Variants in LTV1 observed in about 807,000 individuals in gnomAD.
LTV1 encodes the protein protein LTV1 homolog.
In LTV1, 39 loss-of-function variants were observed where a neutral mutation model predicts 59.9. That is an observed-to-expected ratio of 0.65 (90% CI 0.50 to 0.85). LTV1 has a LOEUF of 0.85. LTV1 is among the 40% of genes least tolerant of loss of function. The pLI is 0.00. For missense variants in LTV1, 493 were observed against 549.1 expected (o/e 0.90, Z 1.02); for synonymous variants, 171 against 189.5 (o/e 0.90, Z 0.80).
At chr6:143,856,807 C>T (rs1415500049) in intron 4 of LTV1, among the ~76,000 whole-genome samples, 4 of 152,238 alleles carry the variant, frequency 2.6e-5, no homozygotes, top group Non-Finnish European at 5.9e-5. Context: ...CCTCTGGAAG[C>T]TTTGTCCCAG....
chr6:143,850,600 G>T (rs1027520400), intron 4 of LTV1, among the ~76,000 whole-genome samples: 48 of 152,124 alleles, frequency 3.2e-4, no homozygotes, highest in African/African-American at 1.1e-3. Flanking sequence ...TTTTATGGAA[G>T]TTCATTTTGC....
chr6:143,856,818 A>G (rs1371191443), intron 4 of LTV1, among the ~76,000 whole-genome samples: 1 of 152,178 alleles, frequency 6.6e-6, no homozygotes, highest in African/African-American at 2.4e-5. Context: ...TTTGTCCCAG[A>G]GGGGTACCCG....
chr6:143,845,609 C>T (rs1039563282), intron 2 of LTV1, among the ~76,000 whole-genome samples: 2 of 152,176 alleles, frequency 1.3e-5, no homozygotes, highest in African/African-American at 4.8e-5. Context: ...AACTCCAAGG[C>T]TCAAGTGATC....
intron 6 of LTV1, 46 bp downstream of exon 6, chr6:143,858,053 A>ATT: frequency 1.9e-5 from 25 of 1,320,658 alleles, no homozygotes; most frequent in Middle Eastern, 2.0e-4. Context: ...CTTATGTTAA[A>ATT]TTTTTTTTTT....
intron 7 of LTV1, among the ~76,000 whole-genome samples, chr6:143,861,613 G>T (rs1777166125): frequency 6.6e-6 from 1 of 152,094 alleles, no homozygotes; most frequent in Non-Finnish European, 1.5e-5. Flanking sequence ...TCTCCAGCTG[G>T]ATTAGCGGAA....
intron 3 of LTV1, 84 bp downstream of exon 3, chr6:143,846,308 G>T: frequency 7.7e-7 from 1 of 1,302,162 alleles, no homozygotes; most frequent in South Asian, 1.4e-5. Flanking sequence ...GCAAGAAATG[G>T]TGTCCGTATG....
chr6:143,847,384 G>A (rs1025357517), intron 3 of LTV1, among the ~76,000 whole-genome samples: 18 of 152,160 alleles, frequency 1.2e-4, no homozygotes, highest in Non-Finnish European at 1.8e-4. Flanking sequence ...TTGTTGAGAC[G>A]GAGTTTTGCT....
chr6:143,846,110 C>T lies in LTV1; in HGVS notation c.195C>T (p.Asp65=). 1.2e-6 allele frequency: 2 copies of T among 1,614,194 alleles called. No individual in the cohort carries two copies. Among genetic ancestry groups the T allele is most frequent in the Non-Finnish European group, 1.7e-6 (2 of 1,180,032 alleles). ...QRKYGVFFDD[D]YDYLQHLKEP... ...AGTATGGAGTGTTCTTTGATGACGACTATGACTACCTGCAGCACCTGAAGG... is the reference window on the plus strand; with the variant it reads ...AGTATGGAGTGTTCTTTGATGACGATTATGACTACCTGCAGCACCTGAAGG... Residue 65 remains aspartate, a synonymous_variant, in exon 3 of 11, where the codon GAC becomes GAT. Coordinates refer to ENST00000367576, the MANE Select transcript of LTV1 (RefSeq NM_032860.5).
chr6:143,860,847 C>A (rs575089438), intron 7 of LTV1, among the ~76,000 whole-genome samples: 1 of 151,856 alleles, frequency 6.6e-6, no homozygotes, highest in South Asian at 2.1e-4. Context: ...CCACTTTCTC[C>A]GTATCTTTGA....
chr6:143,846,558 C>T (rs1388364489), intron 3 of LTV1, among the ~76,000 whole-genome samples: 1 of 152,184 alleles, frequency 6.6e-6, no homozygotes, highest in Non-Finnish European at 1.5e-5. Context: ...ATCATAAACT[C>T]TTGTTCTAAG....
chr6:143,845,018 T>C (rs1776867408), intron 2 of LTV1, among the ~76,000 whole-genome samples: 1 of 152,182 alleles, frequency 6.6e-6, no homozygotes, highest in East Asian at 1.9e-4. Context: ...CCAGCTACAA[T>C]GCGGCATGAT....
chr6:143,843,419 C>T lies in LTV1; in HGVS notation c.-59C>T. The T allele has an allele frequency of 6.2e-7, 1 of 1,610,304 alleles. No homozygotes were observed. Among genetic ancestry groups the T allele is most frequent in the Non-Finnish European group, 8.5e-7 (1 of 1,179,160 alleles). ...CTTCAGCTGGACCTTGGTCTCCCCG[C>T]CGGACTTCGAGGGTGTCATCGCCGC... On this transcript the variant is annotated 5_prime_UTR_variant, in exon 1 of 11. Transcript: ENST00000367576.
intron 4 of LTV1, among the ~76,000 whole-genome samples, chr6:143,851,808 G>A (rs892934104): frequency 1.3e-5 from 2 of 152,032 alleles, no homozygotes; most frequent in Admixed American, 6.6e-5. Context: ...CCACTTATGA[G>A]TGAGAACATG....
At chr6:143,844,389 T>C in intron 1 of LTV1, 97 bp from the exon 2 acceptor site, 1 of 1,332,400 alleles carries the variant, frequency 7.5e-7, no homozygotes, top group African/African-American at 1.5e-5. Flanking sequence ...AAAAGTATCT[T>C]TAACATGACT....
intron 1 of LTV1, 69 bp downstream of exon 1, chr6:143,843,549 A>C: frequency 1.2e-6 from 2 of 1,603,134 alleles, no homozygotes; most frequent in Admixed American, 1.7e-5. Flanking sequence ...GCTTCCGGTA[A>C]TACCTTGGCT....
At chr6:143,844,731 C>G in intron 2 of LTV1, 114 bp downstream of exon 2, 16 of 1,156,306 alleles carry the variant, frequency 1.4e-5, no homozygotes, top group Non-Finnish European at 1.9e-5. Flanking sequence ...TCTCGAACTC[C>G]TGGACTTAAG....
At chr6:143,852,499 T>C (rs1286934943) in intron 4 of LTV1, among the ~76,000 whole-genome samples, 1 of 152,178 alleles carries the variant, frequency 6.6e-6, no homozygotes, top group Admixed American at 6.5e-5. Flanking sequence ...TTGCAAAAAT[T>C]TTCTCCCATT....
At chr6:143,852,837 A>G (rs10457754) in intron 4 of LTV1, among the ~76,000 whole-genome samples, 18,422 of 152,096 alleles carry the variant, frequency 0.12, 1,592 homozygotes, top group East Asian at 0.44. Flanking sequence ...TCCTTTCCCC[A>G]TTGCTTGTTT....
At chr6:143,847,082 A>G (rs1334418410) in intron 3 of LTV1, among the ~76,000 whole-genome samples, 1 of 152,216 alleles carries the variant, frequency 6.6e-6, no homozygotes. Flanking sequence ...ATACCATCCC[A>G]AAGAAAGGTA....
Sources: allele counts gnomAD v4.1 joint callset (sites outside exome capture counted in the v4.1 genomes callset), GRCh38; gene constraint gnomAD v4.1.1; transcripts MANE v1.5; gene names NCBI Gene and HGNC (gene_info 2026-07-23, HGNC 2026-07-21).